CNBD1: variants seen among roughly 807,000 people sequenced by gnomAD.
The protein encoded by CNBD1 is cyclic nucleotide binding domain containing 1, also known as cyclic nucleotide-binding domain-containing protein 1.
A neutral mutation model predicts 54.4 loss-of-function variants in CNBD1; 71 were observed. That is an observed-to-expected ratio of 1.30 (90% CI 1.08 to 1.59). The LOEUF (loss-of-function observed/expected upper bound fraction) is 1.59, where lower values mean the gene tolerates loss of function less well. Among genes scored for constraint, CNBD1 ranks in the 40% most tolerant of loss-of-function variants. The probability of loss-of-function intolerance (pLI) is 0.00; values close to 1 mark genes in which losing one functional copy is unlikely to be tolerated. For synonymous variants in CNBD1, 182 were observed against 170.7 expected (o/e 1.07, Z -0.51); for missense variants, 659 against 518.0 (o/e 1.27, Z -2.64).
At chr8:87,262,177 A>T (rs1331439740) in intron 6 of CNBD1, among the ~76,000 whole-genome samples, 1 of 152,096 alleles carries the variant, frequency 6.6e-6, no homozygotes, top group African/African-American at 2.4e-5. Flanking sequence ...AAACAAAACA[A>T]AAAACACAAT....
rs1808661491 is a variant in CNBD1 at position 87,284,824 on chromosome 8, A to T, written c.909+9A>T. The T allele has an allele frequency of 1.9e-6, 3 of 1,546,188 alleles. No individual in the cohort carries two copies. In the East Asian group the frequency reaches 7.2e-5, roughly 37 times the overall value. On this transcript the variant is annotated intron_variant, in intron 7 of 10. Transcript: ENST00000518476. ...ATGCAAAGATAAAGGAGGTAAGATG[A>T]TATCTAATATTTTATATAAACAAAA...
intron 2 of CNBD1, among the ~76,000 whole-genome samples, chr8:87,425,745 G>A (rs1015369078): frequency 2.0e-5 from 3 of 152,046 alleles, no homozygotes; most frequent in African/African-American, 7.2e-5. Context: ...GGACATTTAA[G>A]TCTGCAGAGG....
At chr8:86,980,697 C>G (rs935634229) in intron 4 of CNBD1, among the ~76,000 whole-genome samples, 1 of 152,162 alleles carries the variant, frequency 6.6e-6, no homozygotes, top group Non-Finnish European at 1.5e-5. Context: ...TTGCAAAAAT[C>G]TCAGGATGTA....
rs772801505 is a variant in CNBD1 at position 87,083,073 on chromosome 8, A to G, written c.432-122920A>G. On this transcript the variant is annotated intron_variant, in intron 4 of 10. Coordinates refer to ENST00000518476, the MANE Select transcript of CNBD1 (RefSeq NM_173538.3). ...GGGTCTGGGGAGTCATGCCCTACAAACCATAAATTCTCATCAGATGGGTTT... is the reference window on the plus strand; with the variant it reads ...GGGTCTGGGGAGTCATGCCCTACAAGCCATAAATTCTCATCAGATGGGTTT... 4.6e-5 allele frequency among the ~76,000 whole-genome samples: 7 copies of G among 152,264 alleles called. No individual in the cohort carries two copies. In the East Asian group the frequency reaches 1.2e-3, roughly 25 times the overall value.
intron 10 of CNBD1, among the ~76,000 whole-genome samples, chr8:87,366,282 G>A (rs893018031): frequency 2.0e-4 from 30 of 152,002 alleles, no homozygotes; most frequent in African/African-American, 6.8e-4. Flanking sequence ...GTGGAGAAGA[G>A]GTCACCTCCA....
intron 4 of CNBD1, among the ~76,000 whole-genome samples, chr8:87,106,718 C>T (rs1157752256): frequency 6.6e-5 from 10 of 152,132 alleles, no homozygotes; most frequent in Admixed American, 6.6e-4. Context: ...TATGTTTTCC[C>T]CAACCTCACT....
At chr8:87,254,081 TACAGA>T (rs1402703644) in intron 6 of CNBD1, among the ~76,000 whole-genome samples, 1 of 152,196 alleles carries the variant, frequency 6.6e-6, no homozygotes, top group Admixed American at 6.5e-5. Context: ...TGACTGGCAT[TACAGA>T]AATAGGTCAG....
rs544300695 is a variant in CNBD1, at chr8:87,367,252, T to C, written c.1303+13466T>C. 5.9e-5 allele frequency among the ~76,000 whole-genome samples: 9 copies of C among 152,182 alleles called. No homozygotes were observed. In the South Asian group the frequency reaches 1.7e-3, roughly 28 times the overall value. On this transcript the variant is annotated intron_variant, in intron 10 of 10. Transcript: ENST00000518476. ...GCTTGTTTGTCAACTGTCAACTAGCTTTTCTCTTACCTTCACAGGTCTCAA... is the reference window on the plus strand; with the variant it reads ...GCTTGTTTGTCAACTGTCAACTAGCCTTTCTCTTACCTTCACAGGTCTCAA...
At chr8:87,266,767 G>A (rs1689215103) in intron 6 of CNBD1, among the ~76,000 whole-genome samples, 2 of 151,930 alleles carry the variant, frequency 1.3e-5, no homozygotes, top group Admixed American at 1.3e-4. Flanking sequence ...AGAACTCGAT[G>A]TAGAACAGTG....
intron 4 of CNBD1, among the ~76,000 whole-genome samples, chr8:87,167,103 C>T (rs1239478407): frequency 6.6e-6 from 1 of 151,840 alleles, no homozygotes; most frequent in African/African-American, 2.4e-5. Flanking sequence ...CCTTAAATCC[C>T]ACAACTTTGA....
intron 2 of CNBD1, among the ~76,000 whole-genome samples, chr8:87,388,289 C>A (rs1334000381): frequency 6.6e-6 from 1 of 151,888 alleles, no homozygotes; most frequent in African/African-American, 2.4e-5. Flanking sequence ...CACAAAAAAC[C>A]CTTCAAAAAA....
chr8:87,290,752 G>A (rs890567106), intron 8 of CNBD1, among the ~76,000 whole-genome samples: 3 of 152,136 alleles, frequency 2.0e-5, no homozygotes, highest in African/African-American at 4.8e-5. Context: ...ATTTGAAGCT[G>A]AAATTGGGTT....
chr8:87,379,745 C>T (rs182165696), intron 10 of CNBD1, among the ~76,000 whole-genome samples: 1 of 151,616 alleles, frequency 6.6e-6, no homozygotes, highest in Non-Finnish European at 1.5e-5. Flanking sequence ...TGTAAAATTA[C>T]ATTGATTGAA....
intron 8 of CNBD1, among the ~76,000 whole-genome samples, chr8:87,328,086 T>C (rs768230306): frequency 3.9e-5 from 6 of 152,012 alleles, no homozygotes; most frequent in Admixed American, 6.6e-5. Flanking sequence ...GTCATCTAGG[T>C]TTTAAGACCC....
At chr8:87,299,211 C>G (rs1273437174) in intron 8 of CNBD1, among the ~76,000 whole-genome samples, 1 of 152,094 alleles carries the variant, frequency 6.6e-6, no homozygotes, top group Non-Finnish European at 1.5e-5. Context: ...CTCTATTCCA[C>G]TTTTTCCAAT....
chr8:87,335,897 C>G (rs1421617048), intron 8 of CNBD1, among the ~76,000 whole-genome samples: 3 of 152,146 alleles, frequency 2.0e-5, no homozygotes, highest in African/African-American at 7.2e-5. Context: ...CAAGGCAGGC[C>G]TGGTGGTGAT....
intron 5 of CNBD1, among the ~76,000 whole-genome samples, chr8:87,224,882 A>G (rs1322671366): frequency 6.6e-6 from 1 of 151,892 alleles, no homozygotes; most frequent in Non-Finnish European, 1.5e-5. Context: ...TGAGCATGGA[A>G]TGTTCTTCCA....
chr8:87,351,605 T>G, intron 8 of CNBD1, 80 bp from the exon 9 acceptor site: 4 of 1,272,396 alleles, frequency 3.1e-6, no homozygotes, highest in Non-Finnish European at 4.2e-6. Context: ...ATTAAATACA[T>G]TAACTTTTGT....
intron 6 of CNBD1, among the ~76,000 whole-genome samples, chr8:87,274,269 C>T (rs1335699483): frequency 6.7e-6 from 1 of 150,064 alleles, no homozygotes; most frequent in East Asian, 1.9e-4. Context: ...GATTTATAGT[C>T]CTTTGGGTAT....
Sources: gnomAD v4.1 joint callset for allele counts (sites outside exome capture counted in the v4.1 genomes callset) on GRCh38, gnomAD v4.1.1 for gene constraint, MANE v1.5 for transcripts, NCBI Gene and HGNC (gene_info 2026-07-23, HGNC 2026-07-21) for gene names.